The following COL11A1 variants were observed in gnomAD, a reference collection of about 807,000 sequenced individuals.
COL11A1 encodes the protein collagen type XI alpha 1 chain.
Under a neutral mutation model 265.2 loss-of-function variants are expected in COL11A1, and 74 were observed. The ratio of observed to expected loss-of-function variants is 0.28; its 90% CI spans 0.23 to 0.34. The LOEUF (loss-of-function observed/expected upper bound fraction) is 0.34, where lower values mean the gene tolerates loss of function less well. Among genes scored for constraint, COL11A1 ranks in the 10% least tolerant of loss-of-function variants. The probability of loss-of-function intolerance (pLI) is 1.00; values close to 1 mark genes in which losing one functional copy is unlikely to be tolerated. For missense variants in COL11A1, 2,165 were observed against 2,263.6 expected, an observed-to-expected ratio of 0.96 and a Z score of 0.88; for synonymous variants, 816 against 727.6, an observed-to-expected ratio of 1.12 and a Z score of -1.96.
Position 103,082,872 on chromosome 1 carries a change from G to A in COL11A1, c.207C>T (p.Gly69=), listed in dbSNP as rs765419348. 52 of 1,613,544 alleles carry A rather than the reference G, an allele frequency of 3.2e-5. No homozygotes were observed. The highest frequency in any genetic ancestry group is 4.4e-5 in the Non-Finnish European group (52 of 1,179,728). The change falls in exon 2 of 67, where the codon GGC becomes GGT. Residue 69 remains glycine, a synonymous_variant. Coordinates refer to ENST00000370096, the MANE Select transcript of COL11A1 (RefSeq NM_001854.4). ...TTGAAACTCTGTAAGCAGTATCTGA[G>A]CCTTTAGAATTCTTTCTGTTTGTGC... ...GFCTNRKNSK[G]SDTAYRVSKQ...
chr1:103,040,664 G>A (rs1437302422), intron 4 of COL11A1, among the ~76,000 whole-genome samples: 1 of 151,458 alleles, frequency 6.6e-6, no homozygotes, highest in Non-Finnish European at 1.5e-5. Context: ...AAAATAATAT[G>A]ATTGAAATTA....
chr1:102,888,742 T>C lies in COL11A1; in HGVS notation c.4535A>G (p.Lys1512Arg). The C allele has an allele frequency of 6.2e-7, 1 of 1,613,988 alleles. No individual in the cohort carries two copies. The highest frequency in any genetic ancestry group is 8.5e-7 in the Non-Finnish European group (1 of 1,179,904). ...ACTTACAGTAGAGCCTTTGTTACCC[T>C]TTGGGCCTTGAGGACCCTACAAAAT... Reference protein sequence around the residue: ...PPGLPGPQGPKGNKGSTGPAG... With the variant: ...PPGLPGPQGPRGNKGSTGPAG... Residue 1512 changes from lysine (K) to arginine (R), a missense_variant, in exon 61 of 67, where the codon AAG becomes AGG. Coordinates refer to ENST00000370096, the MANE Select transcript of COL11A1 (RefSeq NM_001854.4).
chr1:102,932,763 C>T (rs1379418285), intron 46 of COL11A1, among the ~76,000 whole-genome samples: 2 of 150,680 alleles, frequency 1.3e-5, no homozygotes, highest in African/African-American at 4.9e-5. Context: ...TCACATAGTC[C>T]CATATTTCTT....
chr1:103,016,088 T>G (rs1286512239), intron 11 of COL11A1, among the ~76,000 whole-genome samples: 1 of 152,024 alleles, frequency 6.6e-6, no homozygotes, highest in Non-Finnish European at 1.5e-5. Context: ...TACAGTTAGA[T>G]AAAAACAGAT....
intron 1 of COL11A1, among the ~76,000 whole-genome samples, chr1:103,092,439 G>T (rs1479870048): frequency 6.6e-6 from 1 of 152,040 alleles, no homozygotes; most frequent in Non-Finnish European, 1.5e-5. Flanking sequence ...AGTATAAAAA[G>T]TCAAAATTTG....
chr1:102,979,172 G>T, intron 32 of COL11A1, 68 bp from the exon 33 acceptor site: 1 of 1,409,272 alleles, frequency 7.1e-7, no homozygotes, highest in Non-Finnish European at 1.0e-6. Context: ...TGCTGAGACT[G>T]AGTAGTCATG....
rs1652813615 is a variant in COL11A1, at chr1:102,898,972, G to A, written c.4109C>T (p.Ala1370Val). The A allele has an allele frequency of 6.5e-7, 1 of 1,538,506 alleles. No homozygotes were observed. Among genetic ancestry groups the A allele is most frequent in the Non-Finnish European group, 8.8e-7 (1 of 1,134,282 alleles). Residue 1370 changes from alanine (A) to valine (V), a missense_variant, in exon 55 of 67, where the codon GCA becomes GTA. By Grantham distance (64) the Ala-to-Val change is moderately conservative (BLOSUM62 0). Coordinates refer to ENST00000370096, the MANE Select transcript of COL11A1 (RefSeq NM_001854.4). Reference protein sequence around the residue: ...GKRGPPGAAGAEGRQGEKGAK... With the variant: ...GKRGPPGAAGVEGRQGEKGAK... ...ACCTTTTTCACCTTGTCTTCCCTCT[G>A]CACCTGCAGCTCCAGGAGGACCCTA...
intron 46 of COL11A1, among the ~76,000 whole-genome samples, chr1:102,933,582 G>T (rs928944784): frequency 3.3e-5 from 5 of 152,204 alleles, no homozygotes; most frequent in African/African-American, 1.2e-4. Flanking sequence ...AGCCTACAGA[G>T]GCAGGCAGGC....
chr1:102,888,462 A>G, intron 62 of COL11A1, 115 bp downstream of exon 62: 7 of 941,442 alleles, frequency 7.4e-6, no homozygotes, highest in Non-Finnish European at 1.2e-5. Context: ...TGTTTCCTAT[A>G]AAATCAGCAC....
intron 57 of COL11A1, among the ~76,000 whole-genome samples, chr1:102,893,026 C>T (rs1473927498): frequency 3.9e-5 from 6 of 152,152 alleles, no homozygotes; most frequent in Admixed American, 2.6e-4. Flanking sequence ...GTCAAATTCA[C>T]TTTCAAGTAT....
intron 8 of COL11A1, 48 bp from the exon 9 acceptor site, chr1:103,021,817 T>G (rs1195954273): frequency 8.2e-7 from 1 of 1,224,992 alleles, no homozygotes; most frequent in Non-Finnish European, 1.2e-6. Flanking sequence ...TAAGACCATT[T>G]CTTTCTTTCT....
At chr1:102,893,450 A>G (rs9988414) in intron 57 of COL11A1, among the ~76,000 whole-genome samples, 8,135 of 152,208 alleles carry the variant, frequency 0.053, 791 homozygotes, top group African/African-American at 0.19. Context: ...TATCGAGAGC[A>G]GTTATAAATA....
intron 24 of COL11A1, 22 bp from the exon 25 acceptor site, chr1:102,998,385 T>C (rs772706316): frequency 7.3e-6 from 11 of 1,510,644 alleles, no homozygotes; most frequent in South Asian, 1.3e-5. Flanking sequence ...AAAAAAAATA[T>C]TAAAAAGATA....
At chr1:102,994,293 G>T (rs1000956550) in intron 28 of COL11A1, among the ~76,000 whole-genome samples, 27 of 152,170 alleles carry the variant, frequency 1.8e-4, no homozygotes, top group African/African-American at 6.3e-4. Context: ...GGACCTGGTG[G>T]GGGGTGATAG....
intron 44 of COL11A1, 21 bp from the exon 45 acceptor site, chr1:102,935,134 GT>G (rs1166596223): frequency 5.0e-6 from 8 of 1,606,678 alleles, no homozygotes; most frequent in Non-Finnish European, 6.8e-6. Context: ...ATAAAAATAA[GT>G]AATTTTTAAA....
intron 4 of COL11A1, among the ~76,000 whole-genome samples, chr1:103,062,919 A>G (rs554605960): frequency 7.2e-5 from 11 of 152,192 alleles, no homozygotes; most frequent in Admixed American, 1.3e-4. Context: ...TATATAAAAC[A>G]TCAATCATTT....
At chr1:103,038,611 C>T (rs1668562331) in intron 4 of COL11A1, among the ~76,000 whole-genome samples, 1 of 151,972 alleles carries the variant, frequency 6.6e-6, no homozygotes, top group Non-Finnish European at 1.5e-5. Context: ...TAAGAAAAGC[C>T]TTGCATGTGA....
chr1:102,985,371 G>C (rs1158549704), intron 30 of COL11A1, among the ~76,000 whole-genome samples: 2 of 152,048 alleles, frequency 1.3e-5, no homozygotes, highest in African/African-American at 4.8e-5. Context: ...AGTTGTCCAA[G>C]TCATGATCAG....
intron 4 of COL11A1, among the ~76,000 whole-genome samples, chr1:103,048,076 T>C (rs1472513850): frequency 1.3e-5 from 2 of 152,198 alleles, no homozygotes; most frequent in African/African-American, 4.8e-5. Context: ...TTTTTGATTG[T>C]GTCTCTGCCA....
Sources: gnomAD v4.1 joint callset for allele counts (sites outside exome capture counted in the v4.1 genomes callset) on GRCh38, gnomAD v4.1.1 for gene constraint, MANE v1.5 for transcripts, NCBI Gene and HGNC (gene_info 2026-07-23, HGNC 2026-07-21) for gene names.